Variants in INTS3 observed in about 807,000 individuals in gnomAD.
The protein encoded by INTS3 is integrator complex subunit 3.
Under a neutral mutation model 146.3 loss-of-function variants are expected in INTS3, and 34 were observed. That is an observed-to-expected ratio of 0.23 (90% CI 0.18 to 0.31). The LOEUF is 0.31. Ranked by LOEUF, INTS3 falls within the 10% of genes least tolerant of loss-of-function variation. The pLI is 1.00. For synonymous variants in INTS3, 475 were observed against 494.9 expected (o/e 0.96, Z 0.53); for missense variants, 757 against 1,304.2 (o/e 0.58, Z 6.46).
intron 10 of INTS3, among the ~76,000 whole-genome samples, chr1:153,758,806 A>C (rs1006855374): frequency 1.4e-4 from 21 of 145,932 alleles, no homozygotes; most frequent in Non-Finnish European, 2.7e-4. Flanking sequence ...TCAACAACAA[A>C]AAGAAAAGAA....
At chr1:153,770,483 T>C (rs1672802727) in intron 24 of INTS3, among the ~76,000 whole-genome samples, 172 bp downstream of exon 24, 1 of 152,222 alleles carries the variant, frequency 6.6e-6, no homozygotes, top group African/African-American at 2.4e-5. Flanking sequence ...AGGTGAGTCC[T>C]GTGGGCCCAC....
intron 8 of INTS3, chr1:153,753,559 A>G (rs111896616): frequency 1.3e-5 from 2 of 151,890 alleles, no homozygotes; most frequent in African/African-American, 2.4e-5. Flanking sequence ...CTGTCCCAAA[A>G]AAAAGAAAAG....
chr1:153,745,697 T>C (rs1369223817), intron 3 of INTS3, among the ~76,000 whole-genome samples: 1 of 151,054 alleles, frequency 6.6e-6, no homozygotes, highest in African/African-American at 2.4e-5. Context: ...AGCAATAATC[T>C]CACAGAAGAA....
chr1:153,740,683 G>T lies in INTS3; in HGVS notation c.183G>T (p.Ser61=). The T allele has an allele frequency of 6.2e-7, 1 of 1,614,070 alleles. No individual in the cohort carries two copies. The highest frequency in any genetic ancestry group is 1.7e-4 in the Middle Eastern group (1 of 6,058). The part of the protein sequence containing the change: ...RLERCMSIVT[S]MTAGVSEREA... ...AAAGGTGTATGAGCATTGTGACATC[G>T]ATGACTGCTGGTGTCTCGGAGAGAG... Residue 61 remains serine, a synonymous_variant, in exon 2 of 30, where the codon TCG becomes TCT. Coordinates refer to ENST00000318967, the MANE Select transcript of INTS3 (RefSeq NM_023015.5).
intron 1 of INTS3, among the ~76,000 whole-genome samples, chr1:153,733,847 C>T (rs985547864): frequency 6.6e-6 from 1 of 152,236 alleles, no homozygotes; most frequent in South Asian, 2.1e-4. Context: ...TCGTGATTCG[C>T]CCCCCTCAGC....
At chr1:153,760,451 C>A in intron 12 of INTS3, 61 bp downstream of exon 12, 1 of 1,377,054 alleles carries the variant, frequency 7.3e-7, no homozygotes, top group Non-Finnish European at 1.0e-6. Context: ...GTGTATCTCC[C>A]CTAATCTCCC....
Position 153,755,332 on chromosome 1 carries a change from C to T in INTS3, c.957+593C>T, listed in dbSNP as rs114026160. ...AGGCTAGAGTGCAGTGGCGCGATCTCGGCTCTCCGCAGCCTCCGCCTGTTG... is the reference window on the plus strand; with the variant it reads ...AGGCTAGAGTGCAGTGGCGCGATCTTGGCTCTCCGCAGCCTCCGCCTGTTG... On this transcript the variant is annotated intron_variant, in intron 9 of 29. Transcript: ENST00000318967. 4.3e-3 allele frequency among the ~76,000 whole-genome samples: 661 copies of T among 152,176 alleles called. 8 individuals carry two copies. Among genetic ancestry groups the T allele is most frequent in the African/African-American group, 0.015 (626 of 41,524 alleles).
At position 153,752,117 on chromosome 1, in the gene INTS3, A is replaced by G. The variant is rs1671980498; in HGVS notation, c.730-162A>G. 1.2e-5 allele frequency: 9 copies of G among 746,640 alleles called. No individual in the cohort carries two copies. In the South Asian group the frequency reaches 1.4e-4, roughly 12 times the overall value. The allele number at this position is 746,640 out of a possible 1,614,324, so 46.3% of individuals were successfully genotyped here. On this transcript the variant is annotated intron_variant, in intron 7 of 29. Coordinates refer to ENST00000318967, the MANE Select transcript of INTS3 (RefSeq NM_023015.5). ...CCAGCTTCCAGCTCTCTTCCCCTGA[A>G]CAGCTAGGAGCCAATCCTTTGGTTC...
chr1:153,748,798 C>A (rs757035538), intron 6 of INTS3, 43 bp downstream of exon 6: 1 of 1,469,262 alleles, frequency 6.8e-7, no homozygotes, highest in East Asian at 2.3e-5. Context: ...CAGATAATGG[C>A]CATTAGGAGT....
At chr1:153,769,240 AT>A (rs1271538026) in intron 22 of INTS3, among the ~76,000 whole-genome samples, 2 of 152,140 alleles carry the variant, frequency 1.3e-5, no homozygotes, top group African/African-American at 2.4e-5. Flanking sequence ...GGGGGTTGTG[AT>A]TTTAGCTCTC....
At chr1:153,767,444 G>A (rs1672632174) in intron 20 of INTS3, 2 of 435,676 alleles carry the variant, frequency 4.6e-6, no homozygotes, top group South Asian at 4.9e-5. Context: ...CTCACTGATC[G>A]TGGTTGGAGC....
chr1:153,771,765 A>G (rs1266567470), intron 25 of INTS3, 31 bp from the exon 26 acceptor site: 1 of 1,596,714 alleles, frequency 6.3e-7, no homozygotes, highest in Non-Finnish European at 8.5e-7. Context: ...CCACTGTGCA[A>G]GCAGCACCCA....
At chr1:153,763,132 C>A in intron 15 of INTS3, 101 bp from the exon 16 acceptor site, 2 of 1,449,732 alleles carry the variant, frequency 1.4e-6, no homozygotes, top group South Asian at 1.2e-5. Context: ...GAAACAGGTG[C>A]ACACTTAGGG....
rs1209226493 is a variant in INTS3, at chr1:153,764,674, AAC to A, written c.1926-15_1926-14del. 1 of 1,595,618 alleles carries A rather than the reference AAC, an allele frequency of 6.3e-7. No individual in the cohort carries two copies. The highest frequency in any genetic ancestry group is 1.3e-5 in the African/African-American group (1 of 74,472). On this transcript the variant is annotated splice_polypyrimidine_tract_variant and intron_variant, in intron 18 of 29. Transcript: ENST00000318967. ...CCCCCTCACATGGATTCTCAAATAT[AAC>A]CCTCTTCTTGTAGGTCCCTGGAGGA...
At chr1:153,769,058 A>C in intron 22 of INTS3, 97 bp downstream of exon 22, 1 of 983,358 alleles carries the variant, frequency 1.0e-6, no homozygotes, top group Non-Finnish European at 1.6e-6. Flanking sequence ...CAGGGAGCCC[A>C]TGCCTCCCAG....
At chr1:153,758,223 A>G (rs527338023) in intron 10 of INTS3, among the ~76,000 whole-genome samples, 1 of 152,248 alleles carries the variant, frequency 6.6e-6, no homozygotes, top group East Asian at 1.9e-4. Context: ...CTCTGTGCCT[A>G]GGGTGGGAAA....
intron 9 of INTS3, among the ~76,000 whole-genome samples, 162 bp downstream of exon 9, chr1:153,754,901 G>A (rs536478561): frequency 7.7e-4 from 117 of 152,306 alleles, no homozygotes; most frequent in African/African-American, 2.7e-3. Flanking sequence ...TATTCATTCT[G>A]TGCCTACATA....
intron 14 of INTS3, among the ~76,000 whole-genome samples, chr1:153,762,313 G>A (rs886530214): frequency 2.0e-5 from 3 of 152,134 alleles, no homozygotes; most frequent in Admixed American, 6.5e-5. Context: ...TGTATTTGGC[G>A]GGCACCTGTA....
rs138349422 is a variant in INTS3 at position 153,731,414 on chromosome 1, C to G, written c.150+2630C>G. 4.0e-3 allele frequency among the ~76,000 whole-genome samples: 609 copies of G among 152,058 alleles called. 2 individuals are homozygous for G. Among genetic ancestry groups the G allele is most frequent in the Middle Eastern group, 0.027 (8 of 294 alleles). On this transcript the variant is annotated intron_variant, in intron 1 of 29. Coordinates refer to ENST00000318967, the MANE Select transcript of INTS3 (RefSeq NM_023015.5). Reference sequence around the variant, plus strand: ...GGAAGTCTTCTTGCCCATTCCCATCCCAATTTGGGGAGGGAATGAGATAAA... The same window carrying G: ...GGAAGTCTTCTTGCCCATTCCCATCGCAATTTGGGGAGGGAATGAGATAAA...
Sources: gnomAD v4.1 joint callset for allele counts (sites outside exome capture counted in the v4.1 genomes callset) on GRCh38, gnomAD v4.1.1 for gene constraint, MANE v1.5 for transcripts, NCBI Gene and HGNC (gene_info 2026-07-23, HGNC 2026-07-21) for gene names.